ATP1A2: variants seen among roughly 807,000 people sequenced by gnomAD.
The protein encoded by ATP1A2 is sodium/potassium-transporting ATPase subunit alpha-2.
ATP1A2 carries 56 observed loss-of-function variants against 113.1 expected under a neutral mutation model. The observed-to-expected ratio is 0.49, with a 90% CI of 0.40 to 0.62. The LOEUF is 0.62. ATP1A2 is among the 20% of genes least tolerant of loss of function. The probability of loss-of-function intolerance (pLI) is 0.00; values close to 1 mark genes in which losing one functional copy is unlikely to be tolerated. For missense variants in ATP1A2, 712 were observed against 1,357.8 expected (o/e 0.52, Z 7.47); for synonymous variants, 490 against 526.8 (o/e 0.93, Z 0.96).
Position 160,125,618 on chromosome 1 carries a change from C to G in ATP1A2, c.748+365C>G, listed in dbSNP as rs547080634. On this transcript the variant is annotated intron_variant, in intron 7 of 22. Coordinates refer to ENST00000361216, the MANE Select transcript of ATP1A2 (RefSeq NM_000702.4). ...TAGGAGTCTTTGGATTTGATTGATGCTTCTATTCCTTGTGGTTCTGGGCCT... is the reference window on the plus strand; with the variant it reads ...TAGGAGTCTTTGGATTTGATTGATGGTTCTATTCCTTGTGGTTCTGGGCCT... The G allele has an allele frequency of 1.4e-5, 4 of 276,208 alleles. No individual in the cohort carries two copies. The East Asian group carries it at 3.6e-4, about 25-fold the overall frequency. 17.1% of individuals were successfully genotyped at this position (276,208 alleles called of 1,614,324 possible).
Position 160,124,479 on chromosome 1 carries a change from T to G in ATP1A2, c.630+49T>G, listed in dbSNP as rs760060549. On this transcript the variant is annotated intron_variant, in intron 6 of 22. Coordinates refer to ENST00000361216, the MANE Select transcript of ATP1A2 (RefSeq NM_000702.4). ...GCAGTTGAGTCTAAGGAGAAGGCTGTGTGCAGAGCTGAGAGGGGCCCAGTG... is the reference window on the plus strand; with the variant it reads ...GCAGTTGAGTCTAAGGAGAAGGCTGGGTGCAGAGCTGAGAGGGGCCCAGTG... 3 of 1,569,040 alleles carry G rather than the reference T, an allele frequency of 1.9e-6. No homozygotes were observed. In the Admixed American group the frequency reaches 5.6e-5, roughly 29 times the overall value.
intron 22 of ATP1A2, among the ~76,000 whole-genome samples, chr1:160,140,948 C>T (rs149951386): frequency 0.025 from 3,770 of 150,020 alleles, 155 homozygotes; most frequent in African/African-American, 0.088. Flanking sequence ...CTGCAAGCTC[C>T]GCCTCCTGGG....
chr1:160,141,310 G>A lies in ATP1A2; in HGVS notation c.3051G>A (p.Glu1017=). Reference sequence around the variant, plus strand: ...CTCTAACAGGCTGGGTGGAGAAGGAGACATACTACTGACCCCATTGGAAGA... The same window carrying A: ...CTCTAACAGGCTGGGTGGAGAAGGAAACATACTACTGACCCCATTGGAAGA... The part of the protein sequence containing the change: ...RRYPGGWVEK[E]TYY Residue 1017 remains glutamate (E), a synonymous_variant, in exon 23 of 23, where the codon GAG becomes GAA. Coordinates refer to ENST00000361216, the MANE Select transcript of ATP1A2 (RefSeq NM_000702.4). 1 of 1,614,108 alleles carries A rather than the reference G, an allele frequency of 6.2e-7. No individual in the cohort carries two copies.
At chr1:160,139,474 C>T (rs576124170) in intron 20 of ATP1A2, among the ~76,000 whole-genome samples, 166 bp from the exon 21 acceptor site, 1 of 152,342 alleles carries the variant, frequency 6.6e-6, no homozygotes, top group East Asian at 1.9e-4. Flanking sequence ...AAACAAATAA[C>T]ATCTTCCTTT....
At chr1:160,129,587 C>T (rs4656881) in intron 11 of ATP1A2, among the ~76,000 whole-genome samples, 187 bp downstream of exon 11, 2 of 152,206 alleles carry the variant, frequency 1.3e-5, no homozygotes, top group African/African-American at 4.8e-5. Flanking sequence ...AGCTCCCAAA[C>T]CTTACTCCAT....
At chr1:160,141,212 A>G (rs2101999948) in intron 22 of ATP1A2, 82 bp from the exon 23 acceptor site, 2 of 1,569,446 alleles carry the variant, frequency 1.3e-6, no homozygotes, top group Non-Finnish European at 1.8e-6. Flanking sequence ...ACCTGGCTTC[A>G]GCGACCCAAG....
At chr1:160,128,580 C>A (rs764804243) in intron 8 of ATP1A2, 72 bp from the exon 9 acceptor site, 2 of 1,607,232 alleles carry the variant, frequency 1.2e-6, no homozygotes, top group South Asian at 1.1e-5. Context: ...AATGGAGCCA[C>A]GGTCTAGGGT....
Position 160,136,709 on chromosome 1 carries a change from G to A in ATP1A2, c.2703G>A (p.Gln901=). The A allele has an allele frequency of 5.6e-6, 9 of 1,614,202 alleles. No homozygotes were observed. The highest frequency in any genetic ancestry group is 1.6e-4 in the Middle Eastern group (1 of 6,062). The change falls in exon 19 of 23, where the codon CAG becomes CAA. Residue 901 remains glutamine, a synonymous_variant. Coordinates refer to ENST00000361216, the MANE Select transcript of ATP1A2 (RefSeq NM_000702.4). ...ATGATCTGGAGGACAGCTATGGACA[G>A]GAGTGGGTGAGTGGTGCTGTGTAAA... ...TMNDLEDSYG[Q]EWTYEQRKVV...
rs758810624 is a variant in ATP1A2, at chr1:160,135,404, C to T, written c.2116-30C>T. 253 of 1,614,022 alleles carry T rather than the reference C, an allele frequency of 1.6e-4. No homozygotes were observed. Among genetic ancestry groups the T allele is most frequent in the Non-Finnish European group, 2.1e-4 (245 of 1,180,022 alleles). On this transcript the variant is annotated intron_variant, in intron 15 of 22. Transcript: ENST00000361216. The surrounding 1 kb of genome is among the most constrained non-coding windows in gnomAD (Gnocchi z 6.3). ...AGGAGCCAGGCTTGGGAAGGGGTTT[C>T]GTCCTCAAGTGTGGCCGTCTTCCCT...
chr1:160,135,415 G>A lies in ATP1A2; in HGVS notation c.2116-19G>A, dbSNP rs747542544. 4.3e-6 allele frequency: 7 copies of A among 1,614,182 alleles called. No individual in the cohort carries two copies. In the Admixed American group the frequency reaches 5.0e-5, roughly 12 times the overall value. ...TTGGGAAGGGGTTTCGTCCTCAAGT[G>A]TGGCCGTCTTCCCTCCAGGGAGCCA... On this transcript the variant is annotated intron_variant, in intron 15 of 22. Coordinates refer to ENST00000361216, the MANE Select transcript of ATP1A2 (RefSeq NM_000702.4). This position sits in a 1 kb window ranked among gnomAD's most constrained non-coding sequence, Gnocchi z 6.3.
intron 20 of ATP1A2, among the ~76,000 whole-genome samples, chr1:160,139,134 A>G (rs1367612786): frequency 1.3e-5 from 2 of 152,220 alleles, no homozygotes; most frequent in Non-Finnish European, 2.9e-5. Context: ...GATAAAGTGA[A>G]CATATATTAA....
At chr1:160,130,393 T>A (rs1301923354) in intron 12 of ATP1A2, 29 bp from the exon 13 acceptor site, 14 of 1,614,030 alleles carry the variant, frequency 8.7e-6, no homozygotes, top group Non-Finnish European at 1.2e-5. Flanking sequence ...ACTCTGCGGA[T>A]CTCACTGATC....
At chr1:160,122,411 T>C (rs543744903) in intron 3 of ATP1A2, among the ~76,000 whole-genome samples, 1 of 108,564 alleles carries the variant, frequency 9.2e-6, no homozygotes, top group East Asian at 2.5e-4. Flanking sequence ...ATTAAATGAA[T>C]GAATGAATGA....
rs1422290691 is a variant in ATP1A2 at position 160,127,712 on chromosome 1, C to T, written c.909C>T (p.Ser303=). The change falls in exon 8 of 23, where the codon TCC becomes TCT. Residue 303 remains serine, a synonymous_variant. Coordinates refer to ENST00000361216, the MANE Select transcript of ATP1A2 (RefSeq NM_000702.4). ...GGGTCGCTGTATTCCTGGGGGTCTC[C>T]TTCTTCGTGCTCTCCCTCATCCTGG... ...ITGVAVFLGV[S]FFVLSLILGY... 4 of 1,614,220 alleles carry T rather than the reference C, an allele frequency of 2.5e-6. No homozygotes were observed. The highest frequency in any genetic ancestry group is 2.5e-6 in the Non-Finnish European group (3 of 1,180,024).
At chr1:160,140,149 T>G (rs1652090221) in intron 22 of ATP1A2, 165 bp downstream of exon 22, 1 of 698,340 alleles carries the variant, frequency 1.4e-6, no homozygotes, top group Non-Finnish European at 2.5e-6. Flanking sequence ...CTTTCGAACC[T>G]GTTGTCTCTG....
chr1:160,126,903 A>G (rs1651604865), intron 7 of ATP1A2, among the ~76,000 whole-genome samples: 1 of 152,250 alleles, frequency 6.6e-6, no homozygotes, highest in Admixed American at 6.5e-5. Context: ...AAGGAAATAA[A>G]TGAGATATTT....
In ATP1A2 at chr1:160,135,311, G is replaced by T. The variant is rs1426409869; in HGVS notation, c.2115+16G>T. ...TCAGAGGCAGGTGAGCACAGCCACG[G>T]GAGGCAGATGACAGGCAGGGACCGG... is the stretch of plus-strand genomic sequence containing the variant. On this transcript the variant is annotated intron_variant, in intron 15 of 22. Coordinates refer to ENST00000361216, the MANE Select transcript of ATP1A2 (RefSeq NM_000702.4). This position sits in a 1 kb window ranked among gnomAD's most constrained non-coding sequence, Gnocchi z 6.3. 1.2e-6 allele frequency: 2 copies of T among 1,614,200 alleles called. No homozygotes were observed. Among genetic ancestry groups the T allele is most frequent in the East Asian group, 4.5e-5 (2 of 44,874 alleles).
rs1229034161 is a variant in ATP1A2, at chr1:160,128,649, C to G, written c.1018-3C>G. The G allele has an allele frequency of 6.2e-7, 1 of 1,614,040 alleles. No homozygotes were observed. Among genetic ancestry groups the G allele is most frequent in the African/African-American group, 1.3e-5 (1 of 74,910 alleles). ...CTTTTTTATTCTCCTCTTTCTCTAC[C>G]AGGTGTGCCTGACCCTGACAGCCAA... is the stretch of plus-strand genomic sequence containing the variant. On this transcript the variant is annotated splice_region_variant and splice_polypyrimidine_tract_variant and intron_variant, in intron 8 of 22. Coordinates refer to ENST00000361216, the MANE Select transcript of ATP1A2 (RefSeq NM_000702.4).
chr1:160,136,185 G>A, intron 17 of ATP1A2, 62 bp from the exon 18 acceptor site: 2 of 1,611,236 alleles, frequency 1.2e-6, no homozygotes, highest in Non-Finnish European at 1.7e-6. Context: ...AAGATCAATT[G>A]CTTCTGTCAT....
Sources: gnomAD v4.1 joint callset for allele counts (sites outside exome capture counted in the v4.1 genomes callset) on GRCh38, gnomAD v4.1.1 for gene constraint, Gnocchi (gnomAD v3.1) non-coding constraint, MANE v1.5 for transcripts, NCBI Gene and HGNC (gene_info 2026-07-23, HGNC 2026-07-21) for gene names.